KDM4C: variants seen among roughly 807,000 people sequenced by gnomAD.
KDM4C encodes lysine-specific demethylase 4C.
A neutral mutation model predicts 129.3 loss-of-function variants in KDM4C; 81 were observed. The ratio of observed to expected loss-of-function variants is 0.63; its 90% CI spans 0.52 to 0.75. The LOEUF is 0.75. Ranked by LOEUF, KDM4C falls within the 30% of genes least tolerant of loss-of-function variation. The pLI is 0.00. For missense variants in KDM4C, 1,457 were observed against 1,304.0 expected (o/e 1.12, Z -1.81); for synonymous variants, 573 against 456.1 (o/e 1.26, Z -3.26).
At chr9:6,961,736 A>G (rs1188186157) in intron 8 of KDM4C, among the ~76,000 whole-genome samples, 3 of 152,200 alleles carry the variant, frequency 2.0e-5, no homozygotes, top group Non-Finnish European at 2.9e-5. Flanking sequence ...AAATAAAAAC[A>G]TGGTGACCTC....
At chr9:7,084,331 G>T (rs1315313908) in intron 17 of KDM4C, among the ~76,000 whole-genome samples, 1 of 152,202 alleles carries the variant, frequency 6.6e-6, no homozygotes, top group African/African-American at 2.4e-5. Context: ...CTGGAGCAGA[G>T]CCACAACCAA....
At chr9:6,986,937 G>T in intron 11 of KDM4C, 1 of 350,108 alleles carries the variant, frequency 2.9e-6, no homozygotes, top group South Asian at 6.2e-5. Context: ...TTACTTTGAG[G>T]TAATTGTAGA....
At chr9:6,929,576 G>A (rs1006967448) in intron 8 of KDM4C, among the ~76,000 whole-genome samples, 5 of 150,586 alleles carry the variant, frequency 3.3e-5, no homozygotes, top group East Asian at 4.0e-4. Flanking sequence ...GGTTAGGTAA[G>A]TGCTACTCTT....
chr9:6,792,219 T>C (rs1588293677), intron 1 of KDM4C, among the ~76,000 whole-genome samples: 1 of 151,654 alleles, frequency 6.6e-6, no homozygotes, highest in Admixed American at 6.6e-5. Context: ...GGCGGGTGCC[T>C]GTAATCCCAG....
At chr9:6,802,660 C>G (rs376848151) in intron 2 of KDM4C, among the ~76,000 whole-genome samples, 16 of 152,342 alleles carry the variant, frequency 1.1e-4, no homozygotes, top group African/African-American at 3.1e-4. Flanking sequence ...CAGAGTCTCA[C>G]TCTGTCACTC....
Position 7,128,186 on chromosome 9 carries a change from A to C in KDM4C, c.2731A>C (p.Met911Leu). The change falls in exon 19 of 22, where the codon ATG (methionine) becomes CTG (leucine). Residue 911 changes from methionine to leucine, a missense_variant. Met to Leu is a conservative substitution (Grantham distance 15). Transcript: ENST00000381309. Reference protein sequence around the residue: ...AVTSQTFYEVMFDDGSFSRDT... With the variant: ...AVTSQTFYEVLFDDGSFSRDT... ...GACATCGCAGACCTTCTATGAGGTC[A>C]TGTTTGATGATGGCTCCTTTAGCAG... 6.2e-7 allele frequency: 1 copy of C among 1,610,196 alleles called. No individual in the cohort carries two copies.
intron 15 of KDM4C, among the ~76,000 whole-genome samples, chr9:7,021,423 G>A (rs1824841633): frequency 6.6e-6 from 1 of 152,150 alleles, no homozygotes; most frequent in Admixed American, 6.5e-5. Flanking sequence ...GGGATTACAG[G>A]CGTGAGCCAC....
intron 15 of KDM4C, among the ~76,000 whole-genome samples, chr9:7,032,878 C>T (rs111489881): frequency 0.014 from 2,170 of 152,278 alleles, 55 homozygotes; most frequent in African/African-American, 0.049. Context: ...TTCTACTTAA[C>T]GTAGAATAAT....
At position 6,876,047 on chromosome 9, in the gene KDM4C, G is replaced by T. The variant is rs538321983; in HGVS notation, c.630-3965G>T. 1.9e-3 allele frequency among the ~76,000 whole-genome samples: 293 copies of T among 152,240 alleles called. 1 individual carries two copies. The highest frequency in any genetic ancestry group is 3.7e-3 in the Non-Finnish European group (253 of 67,996). Reference sequence around the variant, plus strand: ...TCAGGCTGCTGGAGAGTTGAGTTTTGGATATTCCGATGGGTTGCAAAAAGG... The same window carrying T: ...TCAGGCTGCTGGAGAGTTGAGTTTTTGATATTCCGATGGGTTGCAAAAAGG... On this transcript the variant is annotated intron_variant, in intron 5 of 21. Transcript: ENST00000381309.
At chr9:6,866,987 G>A (rs1239087542) in intron 5 of KDM4C, among the ~76,000 whole-genome samples, 3 of 50,624 alleles carry the variant, frequency 5.9e-5, no homozygotes, top group African/African-American at 1.9e-4. Context: ...GTGTGTGTGT[G>A]TGTGTGTGTG....
chr9:7,071,883 A>G (rs1833246332), intron 17 of KDM4C, among the ~76,000 whole-genome samples: 2 of 152,292 alleles, frequency 1.3e-5, no homozygotes, highest in Non-Finnish European at 2.9e-5. Flanking sequence ...TTGAGAAGCC[A>G]CAGACTGGGA....
chr9:6,773,498 G>T (rs763283045), intron 1 of KDM4C, among the ~76,000 whole-genome samples: 2 of 152,104 alleles, frequency 1.3e-5, no homozygotes, highest in African/African-American at 4.8e-5. Context: ...TAGGCCAGGC[G>T]TGGTGGCTCA....
chr9:7,002,113 G>A (rs750586691), intron 12 of KDM4C, among the ~76,000 whole-genome samples: 1 of 152,028 alleles, frequency 6.6e-6, no homozygotes, highest in African/African-American at 2.4e-5. Context: ...GGCTGGTCTC[G>A]AACTCCTGGC....
At chr9:6,843,979 A>G (rs752555630) in intron 4 of KDM4C, among the ~76,000 whole-genome samples, 1 of 152,034 alleles carries the variant, frequency 6.6e-6, no homozygotes, top group Admixed American at 6.5e-5. Context: ...GACCTGTGGC[A>G]TGTGTCACCA....
At chr9:6,800,712 GT>G (rs1828782805) in intron 2 of KDM4C, among the ~76,000 whole-genome samples, 1 of 151,762 alleles carries the variant, frequency 6.6e-6, no homozygotes, top group Admixed American at 6.6e-5. Context: ...CTGCAGCCTT[GT>G]CCTCCCGGGC....
At chr9:6,981,360 A>G (rs1816735882) in intron 9 of KDM4C, among the ~76,000 whole-genome samples, 1 of 152,252 alleles carries the variant, frequency 6.6e-6, no homozygotes, top group Non-Finnish European at 1.5e-5. Context: ...ATAGAACAAT[A>G]TAGAACTTGT....
intron 8 of KDM4C, among the ~76,000 whole-genome samples, chr9:6,932,328 T>C (rs751315778): frequency 1.3e-5 from 2 of 152,088 alleles, no homozygotes; most frequent in African/African-American, 2.4e-5. Context: ...GGATTATTAG[T>C]TTCAATTAGG....
intron 12 of KDM4C, among the ~76,000 whole-genome samples, chr9:7,011,484 G>C (rs891400346): frequency 2.0e-5 from 3 of 152,152 alleles, no homozygotes; most frequent in African/African-American, 7.2e-5. Context: ...TGGTTGTCTG[G>C]CCGTGGGATC....
chr9:6,824,872 G>A (rs1270274291), intron 4 of KDM4C, among the ~76,000 whole-genome samples: 15 of 151,924 alleles, frequency 9.9e-5, no homozygotes, highest in Non-Finnish European at 1.9e-4. Context: ...GGCCAGGTAC[G>A]GTGGCTCACA....
Sources: gnomAD v4.1 joint callset for allele counts (sites outside exome capture counted in the v4.1 genomes callset) on GRCh38, gnomAD v4.1.1 for gene constraint, MANE v1.5 for transcripts, NCBI Gene and HGNC (gene_info 2026-07-23, HGNC 2026-07-21) for gene names.